Variants in TUBGCP2 observed in about 807,000 individuals in gnomAD.
The protein encoded by TUBGCP2 is gamma-tubulin complex component 2.
Under a neutral mutation model 92.2 loss-of-function variants are expected in TUBGCP2, and 55 were observed. The observed-to-expected ratio is 0.60, with a 90% CI of 0.48 to 0.75. TUBGCP2 has a LOEUF of 0.75. TUBGCP2 is among the 30% of genes least tolerant of loss of function. The pLI is 0.00. For missense variants in TUBGCP2, 1,093 were observed against 1,188.9 expected (o/e 0.92, Z 1.19); for synonymous variants, 533 against 505.2 (o/e 1.06, Z -0.74).
At chr10:133,292,784 C>A in intron 7 of TUBGCP2, 96 bp from the exon 8 acceptor site, 2 of 1,413,124 alleles carry the variant, frequency 1.4e-6, no homozygotes, top group Non-Finnish European at 9.6e-7. Context: ...CTCCAACCTT[C>A]TTCCTGGGAC....
chr10:133,309,901 C>T (rs372247217), upstream of TUBGCP2: 2 of 1,613,754 alleles, frequency 1.2e-6, no homozygotes, highest in African/African-American at 2.7e-5. Flanking sequence ...GCCTTCCCTT[C>T]CGGACACCTG....
chr10:133,301,603 C>T (rs926865481), intron 2 of TUBGCP2: 1 of 149,020 alleles, frequency 6.7e-6, no homozygotes, highest in Non-Finnish European at 1.5e-5. Context: ...AATTCAAAAT[C>T]ATTTTTACTG....
intron 1 of TUBGCP2, among the ~76,000 whole-genome samples, chr10:133,305,306 C>T (rs138468630): frequency 6.6e-6 from 1 of 152,362 alleles, no homozygotes; most frequent in African/African-American, 2.4e-5. Context: ...CTCTCCGCCT[C>T]GGCTACGTAA....
intron 1 of TUBGCP2, among the ~76,000 whole-genome samples, chr10:133,305,660 C>T (rs1392329070): frequency 6.6e-6 from 1 of 151,446 alleles, no homozygotes; most frequent in Non-Finnish European, 1.5e-5. Context: ...CGATTATTAG[C>T]ACGGGACTCG....
At chr10:133,292,950 C>T (rs1002441528) in intron 7 of TUBGCP2, 89 bp downstream of exon 7, 10 of 1,427,448 alleles carry the variant, frequency 7.0e-6, no homozygotes, top group East Asian at 4.8e-5. Context: ...AGCTGCTCCA[C>T]GGCCCCTGCA....
intron 5 of TUBGCP2, 62 bp from the exon 6 acceptor site, chr10:133,293,831 G>C: frequency 6.9e-7 from 1 of 1,454,644 alleles, no homozygotes; most frequent in Non-Finnish European, 9.4e-7. Context: ...ACAGCCACGT[G>C]CCCTCATCTG....
intron 1 of TUBGCP2, among the ~76,000 whole-genome samples, chr10:133,305,802 C>T (rs1249234403): frequency 6.6e-6 from 1 of 152,234 alleles, no homozygotes; most frequent in Non-Finnish European, 1.5e-5. Flanking sequence ...GTTGCTCACA[C>T]ACATGCTTTT....
chr10:133,281,330 C>G lies in TUBGCP2; in HGVS notation c.2516G>C (p.Arg839Pro). 4 of 1,613,516 alleles carry G rather than the reference C, an allele frequency of 2.5e-6. No homozygotes were observed. The highest frequency in any genetic ancestry group is 3.4e-6 in the Non-Finnish European group (4 of 1,179,996). ...FSAHLLDLLA[R>P]LSIYSTSDCE... ...GTCACTGGTGCTATAGATGCTCAGCCGGGCCAGGAGGTCCAGCAGGTGGGC... is the reference window on the plus strand; with the variant it reads ...GTCACTGGTGCTATAGATGCTCAGCGGGGCCAGGAGGTCCAGCAGGTGGGC... Residue 839 changes from arginine to proline, a missense_variant, in exon 17 of 18, where the codon CGG (arginine) becomes CCG (proline). This residue lies in a region of TUBGCP2 where 598 missense variants were observed against 675.5 expected (regional missense o/e 0.89). Transcript: ENST00000252936.
At chr10:133,283,817 C>T (rs1589822021) in intron 14 of TUBGCP2, 65 bp downstream of exon 14, 1 of 1,595,312 alleles carries the variant, frequency 6.3e-7, no homozygotes, top group Admixed American at 1.7e-5. Flanking sequence ...CTCTCCTGCA[C>T]TTCCTGTCTC....
At chr10:133,310,284 A>G (rs1264376886), upstream of TUBGCP2, 13 of 1,613,834 alleles carry the variant, frequency 8.1e-6, no homozygotes, top group African/African-American at 1.3e-5. Context: ...AAAGAAAAGC[A>G]GAAGGTAGGG....
At chr10:133,312,281 T>C (rs1038828718), upstream of TUBGCP2, 30 of 1,236,534 alleles carry the variant, frequency 2.4e-5, no homozygotes, top group Admixed American at 8.4e-5. Flanking sequence ...TGACCTGTAC[T>C]GTCTGCCTTT....
chr10:133,309,453 G>T (rs1302086869), upstream of TUBGCP2: 1 of 1,612,360 alleles, frequency 6.2e-7, no homozygotes. Context: ...CGACGTGCCT[G>T]AGAAGCCCAG....
chr10:133,290,037 A>G, intron 8 of TUBGCP2, 68 bp from the exon 9 acceptor site: 1 of 1,590,010 alleles, frequency 6.3e-7, no homozygotes, highest in East Asian at 2.3e-5. Context: ...ACACTTCTCC[A>G]GGCCGGCAGC....
upstream of TUBGCP2, chr10:133,309,320 T>C: frequency 6.5e-7 from 1 of 1,543,320 alleles, no homozygotes; most frequent in Non-Finnish European, 8.8e-7. Context: ...GCCACGGGTG[T>C]GGGCGAGGCC....
At chr10:133,311,130 C>T (rs1014311435), upstream of TUBGCP2, among the ~76,000 whole-genome samples, 2 of 152,130 alleles carry the variant, frequency 1.3e-5, no homozygotes, top group Admixed American at 1.3e-4. Context: ...TGTTATATTT[C>T]TTCTTTTTTT....
intron 2 of TUBGCP2, chr10:133,301,698 CCCT>C (rs1847658657): frequency 7.1e-6 from 1 of 140,502 alleles, no homozygotes; most frequent in African/African-American, 2.8e-5. Context: ...ACCAGTCCCT[CCCT>C]TTTTTTTTTT....
chr10:133,288,507 C>A (rs867641063), intron 10 of TUBGCP2, among the ~76,000 whole-genome samples, 198 bp from the exon 11 acceptor site: 20 of 152,370 alleles, frequency 1.3e-4, no homozygotes, highest in Non-Finnish European at 2.5e-4. Context: ...CTCGCCATAG[C>A]CATCACCCTA....
At chr10:133,280,256 T>C (rs1406175046) in intron 17 of TUBGCP2, among the ~76,000 whole-genome samples, 1 of 152,144 alleles carries the variant, frequency 6.6e-6, no homozygotes, top group Non-Finnish European at 1.5e-5. Context: ...CCCCAGAAAG[T>C]TGGGGCTCCC....
chr10:133,292,761 G>A, intron 7 of TUBGCP2, 73 bp from the exon 8 acceptor site: 1 of 1,505,616 alleles, frequency 6.6e-7, no homozygotes, highest in Non-Finnish European at 9.0e-7. Context: ...CACTGCTGGG[G>A]CCCCTCATGC....
Sources: gnomAD v4.1 joint callset for allele counts (sites outside exome capture counted in the v4.1 genomes callset) on GRCh38, gnomAD v4.1.1 for gene constraint, gnomAD v4.1.1 regional missense constraint, MANE v1.5 for transcripts, NCBI Gene and HGNC (gene_info 2026-07-23, HGNC 2026-07-21) for gene names.